The following MAP2K3 variants were observed in gnomAD, a reference collection of about 807,000 sequenced individuals.
The protein encoded by MAP2K3 is mitogen-activated protein kinase kinase 3, also known as dual specificity mitogen-activated protein kinase kinase 3.
A neutral mutation model predicts 46.4 loss-of-function variants in MAP2K3; 30 were observed. That is an observed-to-expected ratio of 0.65 (90% confidence interval 0.48 to 0.88). The LOEUF (loss-of-function observed/expected upper bound fraction) is 0.88. Among genes scored for constraint, MAP2K3 ranks in the 40% least tolerant of loss-of-function variants. The pLI is 0.00. For missense variants in MAP2K3, 380 were observed against 464.5 expected (o/e 0.82, Z 1.67); for synonymous variants, 189 against 176.3 (o/e 1.07, Z -0.57).
intron 1 of MAP2K3, among the ~76,000 whole-genome samples, chr17:21,292,935 C>T (rs554783184): frequency 4.6e-5 from 7 of 152,428 alleles, no homozygotes; most frequent in African/African-American, 1.7e-4. Flanking sequence ...AACCCTGGGC[C>T]TCAGTTTCCC....
At chr17:21,300,370 T>C in intron 3 of MAP2K3, 175 bp from the exon 4 acceptor site, 1 of 674,364 alleles carries the variant, frequency 1.5e-6, no homozygotes. Context: ...ATCGTGAGGC[T>C]CAGAGAGGTT....
intron 9 of MAP2K3, among the ~76,000 whole-genome samples, chr17:21,305,577 C>T (rs1326096030): frequency 6.6e-6 from 1 of 152,256 alleles, no homozygotes; most frequent in Non-Finnish European, 1.5e-5. Flanking sequence ...CTGTGGAAGC[C>T]AAAGGCATCC....
At chr17:21,301,744 C>A (rs529762661) in intron 5 of MAP2K3, among the ~76,000 whole-genome samples, 1 of 152,308 alleles carries the variant, frequency 6.6e-6, no homozygotes, top group Non-Finnish European at 1.5e-5. Flanking sequence ...GGGAGCAGGT[C>A]CTTGCAGGCA....
At position 21,298,946 on chromosome 17, in the gene MAP2K3, C is replaced by G. The variant is rs1234222918; in HGVS notation, c.165+20C>G. ...GACAGAGTAGGTGCCAGCCGCCACC[C>G]CTGCAGGGCCTCTCACTTCACCTGA... On this transcript the variant is annotated intron_variant, in intron 3 of 11. Transcript: ENST00000342679. 1 of 1,613,480 alleles carries G rather than the reference C, an allele frequency of 6.2e-7. No homozygotes were observed. Among genetic ancestry groups the G allele is most frequent in the Non-Finnish European group, 8.5e-7 (1 of 1,179,550 alleles).
intron 5 of MAP2K3, among the ~76,000 whole-genome samples, chr17:21,301,654 G>T (rs1288358513): frequency 1.3e-5 from 2 of 152,310 alleles, no homozygotes; most frequent in African/African-American, 4.8e-5. Context: ...AGCCGATGGG[G>T]CCCCTGCAGC....
At chr17:21,302,491 G>T (rs1976664046) in intron 6 of MAP2K3, among the ~76,000 whole-genome samples, 3 of 152,304 alleles carry the variant, frequency 2.0e-5, no homozygotes, top group Admixed American at 2.0e-4. Flanking sequence ...CACAGATTTG[G>T]CAGATCCAGG....
chr17:21,285,862 G>A (rs1351839689), intron 1 of MAP2K3, among the ~76,000 whole-genome samples: 20 of 152,072 alleles, frequency 1.3e-4, no homozygotes, highest in Admixed American at 1.2e-3. Context: ...TTTGTCATGC[G>A]GAGGGGGAAG....
chr17:21,286,651 G>A (rs1374580618), intron 1 of MAP2K3, among the ~76,000 whole-genome samples: 1 of 152,244 alleles, frequency 6.6e-6, no homozygotes, highest in Non-Finnish European at 1.5e-5. Flanking sequence ...GGAAGGGTAG[G>A]AAGCACTGTT....
intron 1 of MAP2K3, among the ~76,000 whole-genome samples, chr17:21,285,523 CCTT>C (rs1458945860): frequency 6.6e-6 from 1 of 152,156 alleles, no homozygotes; most frequent in African/African-American, 2.4e-5. Flanking sequence ...AACTCCCCGT[CCTT>C]CTCTCCCCCA....
chr17:21,314,259 C>G lies in MAP2K3; in HGVS notation c.*29C>G. On this transcript the variant is annotated 3_prime_UTR_variant, in exon 12 of 12. Coordinates refer to ENST00000342679, the MANE Select transcript of MAP2K3 (RefSeq NM_145109.3). ...CTGGGCCTCGGACCCCACTCCGGCC[C>G]TCCAGAGCCCCACAGCCCCATCTGC... The G allele has an allele frequency of 1.3e-6, 2 of 1,585,732 alleles. No individual in the cohort carries two copies. The highest frequency in any genetic ancestry group is 8.7e-7 in the Non-Finnish European group (1 of 1,155,132).
intron 1 of MAP2K3, among the ~76,000 whole-genome samples, chr17:21,293,060 C>A (rs1976032148): frequency 6.6e-6 from 1 of 152,312 alleles, no homozygotes; most frequent in South Asian, 2.1e-4. Context: ...CACCCCAGGA[C>A]ACCCCAGCAC....
chr17:21,307,986 G>A lies in MAP2K3; in HGVS notation c.774+2858G>A, dbSNP rs548064292. ...TTCTCCTGTCTCAGCCTCCCCAGTA[G>A]CTGGGATTATAGGCGTGAGCCACCA... On this transcript the variant is annotated intron_variant, in intron 9 of 11. Coordinates refer to ENST00000342679, the MANE Select transcript of MAP2K3 (RefSeq NM_145109.3). 5.9e-5 allele frequency among the ~76,000 whole-genome samples: 9 copies of A among 151,658 alleles called. No individual in the cohort carries two copies. The East Asian group carries it at 1.8e-3, about 30-fold the overall frequency.
At chr17:21,293,043 C>T (rs779366320) in intron 1 of MAP2K3, among the ~76,000 whole-genome samples, 1 of 152,312 alleles carries the variant, frequency 6.6e-6, no homozygotes, top group Non-Finnish European at 1.5e-5. Flanking sequence ...GCCAGGCACG[C>T]AGAGGACACC....
At chr17:21,299,944 T>G (rs1226872010) in intron 3 of MAP2K3, among the ~76,000 whole-genome samples, 1 of 152,310 alleles carries the variant, frequency 6.6e-6, no homozygotes, top group Non-Finnish European at 1.5e-5. Context: ...ATTACCCCAT[T>G]GCATTCCAGC....
At chr17:21,295,079 G>T (rs1976164008) in intron 1 of MAP2K3, among the ~76,000 whole-genome samples, 2 of 152,308 alleles carry the variant, frequency 1.3e-5, no homozygotes, top group Non-Finnish European at 2.9e-5. Flanking sequence ...CTGGTGAAAG[G>T]CAAGACGACG....
intron 1 of MAP2K3, among the ~76,000 whole-genome samples, chr17:21,297,085 G>A (rs922555866): frequency 6.6e-5 from 10 of 152,306 alleles, no homozygotes; most frequent in Non-Finnish European, 1.5e-4. Flanking sequence ...TCCCTGCCAA[G>A]GCTATTCTGT....
chr17:21,312,404 T>C (rs1977210349), intron 10 of MAP2K3, 123 bp downstream of exon 10: 1 of 1,036,736 alleles, frequency 9.6e-7, no homozygotes. Flanking sequence ...GGCATCCAAA[T>C]ATGTAAGGCA....
At chr17:21,293,412 C>T (rs1277120225) in intron 1 of MAP2K3, among the ~76,000 whole-genome samples, 3 of 152,310 alleles carry the variant, frequency 2.0e-5, no homozygotes, top group Non-Finnish European at 2.9e-5. Flanking sequence ...CCATGGTTGT[C>T]TCTGCTGGGC....
chr17:21,299,035 G>T, intron 3 of MAP2K3, 109 bp downstream of exon 3: 2 of 1,515,318 alleles, frequency 1.3e-6, no homozygotes, highest in East Asian at 2.3e-5. Flanking sequence ...GTCAGAGAGG[G>T]TCAGGCTCTG....
Sources: allele counts gnomAD v4.1 joint callset (sites outside exome capture counted in the v4.1 genomes callset), GRCh38; gene constraint gnomAD v4.1.1; transcripts MANE v1.5; gene names NCBI Gene and HGNC (gene_info 2026-07-23, HGNC 2026-07-21).